The following ESPN variants were observed in gnomAD, a reference collection of about 807,000 sequenced individuals.
ESPN encodes autosomal recessive deafness type 36 protein.
A neutral mutation model predicts 77.7 loss-of-function variants in ESPN; 68 were observed. The ratio of observed to expected loss-of-function variants is 0.87; its 90% CI spans 0.72 to 1.07. ESPN has a LOEUF of 1.07. Among genes scored for constraint, ESPN ranks in the 50% least tolerant of loss-of-function variants. ESPN has a pLI of 0.00. For missense variants in ESPN, 1,060 were observed against 1,239.0 expected (o/e 0.86, Z 2.17); for synonymous variants, 449 against 567.1 (o/e 0.79, Z 2.96).
rs1401444077 is a variant in ESPN at position 6,427,960 on chromosome 1, C to T, written c.295-266C>T. ...TCGTGTAGGCAGCTCGCAGTCAGGA[C>T]CTGCAGCCTCTGAAAACCCTGCACG... On this transcript the variant is annotated intron_variant, in intron 1 of 12. Coordinates refer to ENST00000645284, the MANE Select transcript of ESPN (RefSeq NM_031475.3). This position sits in a 1 kb window ranked among gnomAD's most constrained non-coding sequence, Gnocchi z 4.6. Among the ~76,000 whole-genome samples the T allele has an allele frequency of 2.0e-5, 3 of 151,940 alleles. No individual in the cohort carries two copies. Among genetic ancestry groups the T allele is most frequent in the Non-Finnish European group, 2.9e-5 (2 of 67,934 alleles).
At chr1:6,435,263 G>T (rs545706310) in intron 2 of ESPN, among the ~76,000 whole-genome samples, 1 of 152,196 alleles carries the variant, frequency 6.6e-6, no homozygotes, top group East Asian at 1.9e-4. Context: ...CCTCTTCCTG[G>T]CCTCCCTCTG....
intron 1 of ESPN, among the ~76,000 whole-genome samples, chr1:6,426,487 G>C (rs374640448): frequency 5.5e-5 from 8 of 146,344 alleles, no homozygotes; most frequent in Non-Finnish European, 1.2e-4. Context: ...GAGAAAGTGT[G>C]GGGGGGATGA....
rs2148538526 is a variant in ESPN at position 6,451,725 on chromosome 1, G to A, written c.2038G>A (p.Gly680Ser). The change falls in exon 9 of 13, where the codon GGC becomes AGC. Residue 680 changes from glycine (G) to serine (S), a missense_variant. By Grantham distance (56) the Gly-to-Ser change is moderately conservative. Around this residue, in one of 3 missense-constraint regions of ESPN, gnomAD observed 374 missense variants for 381.4 expected, o/e 0.98. Coordinates refer to ENST00000645284, the MANE Select transcript of ESPN (RefSeq NM_031475.3). The surrounding 1 kb of genome is among the most constrained non-coding windows in gnomAD (Gnocchi z 4.3). ...CAAGGGGCTGACCACAGTGTTCTCA[G>A]GCATCGGGCAGCCGGCCTTCCAGGT... is the stretch of plus-strand genomic sequence containing the variant. The part of the protein sequence containing the change: ...QSKGLTTVFS[G>S]IGQPAFQPDS... 1 of 1,612,732 alleles carries A rather than the reference G, an allele frequency of 6.2e-7. No homozygotes were observed. Among genetic ancestry groups the A allele is most frequent in the Non-Finnish European group, 8.5e-7 (1 of 1,179,838 alleles).
At chr1:6,439,626 A>G (rs1434053975) in intron 2 of ESPN, among the ~76,000 whole-genome samples, 1 of 152,192 alleles carries the variant, frequency 6.6e-6, no homozygotes, top group African/African-American at 2.4e-5. Flanking sequence ...TGAAAGGGAT[A>G]GAGGTCAGAC....
chr1:6,457,322 G>T (rs750246719), intron 11 of ESPN, 39 bp from the exon 12 acceptor site: 1 of 1,614,248 alleles, frequency 6.2e-7, no homozygotes, highest in African/African-American at 1.3e-5. Context: ...CGTCCCTGAG[G>T]TGGAGGTACC....
At chr1:6,455,570 G>C (rs1644039965) in intron 10 of ESPN, 1 of 399,032 alleles carries the variant, frequency 2.5e-6, no homozygotes, top group South Asian at 1.3e-4. Context: ...CGCACGGCCT[G>C]TATTGGCCCC....
chr1:6,437,068 G>A lies in ESPN; in HGVS notation c.489-3186G>A, dbSNP rs147326755. 1.5e-4 allele frequency among the ~76,000 whole-genome samples: 23 copies of A among 152,326 alleles called. No homozygotes were observed. Among genetic ancestry groups the A allele is most frequent in the South Asian group, 2.1e-4 (1 of 4,830 alleles). The stretch of plus-strand genomic sequence containing the variant: ...GGAGGCTCTGACTCCATAATGGGGC[G>A]TGTGAGTGCAGATGGTGGAATACTA... On this transcript the variant is annotated intron_variant, in intron 2 of 12. Transcript: ENST00000645284. This position sits in a 1 kb window ranked among gnomAD's most constrained non-coding sequence, Gnocchi z 4.5.
intron 10 of ESPN, chr1:6,455,120 C>T (rs1487374142): frequency 5.2e-6 from 2 of 386,896 alleles, no homozygotes; most frequent in Admixed American, 9.0e-5. Context: ...CCGCCGCCCA[C>T]GGCCCGCTGG....
rs577158828 is a variant in ESPN, at chr1:6,426,809, G to A, written c.295-1417G>A. 8.4e-4 allele frequency among the ~76,000 whole-genome samples: 128 copies of A among 152,202 alleles called. 4 individuals are homozygous for A. The South Asian group carries it at 0.023, about 28-fold the overall frequency. On this transcript the variant is annotated intron_variant, in intron 1 of 12. Transcript: ENST00000645284. ...CTAGCCAGCCCCGACCTTTGGGCTC[G>A]GAGGGGACAGACTGAACCAGTCTCT...
Position 6,451,497 on chromosome 1 carries a change from C to T in ESPN, c.1916-106C>T. 6 of 1,463,790 alleles carry T rather than the reference C, an allele frequency of 4.1e-6. No individual in the cohort carries two copies. The highest frequency in any genetic ancestry group is 5.6e-6 in the Non-Finnish European group (6 of 1,068,424). The allele number at this position is 1,463,790 out of a possible 1,614,324, so 90.7% of individuals were successfully genotyped here. A position where few individuals can be genotyped will look rare whatever the true frequency, so the allele number is the denominator to read the frequency against. On this transcript the variant is annotated intron_variant, in intron 8 of 12. Transcript: ENST00000645284. The surrounding 1 kb of genome is among the most constrained non-coding windows in gnomAD (Gnocchi z 4.3). Reference sequence around the variant, plus strand: ...GCTGCCCGCTGGCCCGGAGGATGGGCACCCATCCAATCTTGGCTTAGGAAA... The same window carrying T: ...GCTGCCCGCTGGCCCGGAGGATGGGTACCCATCCAATCTTGGCTTAGGAAA...
chr1:6,460,077 C>G lies in ESPN; in HGVS notation c.2496C>G (p.Tyr832Ter), dbSNP rs1046987961. Residue 832 changes from tyrosine to a stop codon, truncating the protein, a stop_gained, in exon 13 of 13, where the codon TAC (tyrosine) becomes TAG (stop). Transcript: ENST00000645284. LOFTEE classifies it high-confidence loss of function. ...EQSEKLRTLGYDESKLAPWQR... is the reference protein window; with the variant it reads ...EQSEKLRTLG ...CAGAGAAGCTGCGGACGCTGGGCTACGATGAGAGCAAGCTGGCGCCCTGGC... is the reference window on the plus strand; with the variant it reads ...CAGAGAAGCTGCGGACGCTGGGCTAGGATGAGAGCAAGCTGGCGCCCTGGC... 5 of 1,613,494 alleles carry G rather than the reference C, an allele frequency of 3.1e-6. No homozygotes were observed. The highest frequency in any genetic ancestry group is 4.2e-6 in the Non-Finnish European group (5 of 1,180,020).
chr1:6,455,163 C>A (rs1222496998), intron 10 of ESPN: 23 of 388,536 alleles, frequency 5.9e-5, no homozygotes, highest in Non-Finnish European at 4.6e-6. Flanking sequence ...CCTGGGCCCG[C>A]CCGAGGTACA....
rs1569772509 is a variant in ESPN at position 6,460,293 on chromosome 1, C to T, written c.*147C>T. ...CCTCCCTGACCCCCACCCTGGCCCC[C>T]CGTATCCCCAGCCCTTGGCAACACT... On this transcript the variant is annotated 3_prime_UTR_variant, in exon 13 of 13. Coordinates refer to ENST00000645284, the MANE Select transcript of ESPN (RefSeq NM_031475.3). The T allele has an allele frequency of 3.8e-6, 4 of 1,046,824 alleles. No homozygotes were observed. Among genetic ancestry groups the T allele is most frequent in the Non-Finnish European group, 4.1e-6 (3 of 732,212 alleles). The allele number at this position is 1,046,824 out of a possible 1,614,324, so 64.8% of individuals were successfully genotyped here.
Position 6,441,119 on chromosome 1 carries a change from A to C in ESPN, c.990+54A>C. 2.5e-6 allele frequency: 4 copies of C among 1,582,720 alleles called. No individual in the cohort carries two copies. The South Asian group carries it at 4.6e-5, about 18-fold the overall frequency. Reference sequence around the variant, plus strand: ...TTCTTTCTTCTCGCCCCTCCACCCCAGTGGTGGGTGTCGTCACCCCTTTTA... The same window carrying C: ...TTCTTTCTTCTCGCCCCTCCACCCCCGTGGTGGGTGTCGTCACCCCTTTTA... On this transcript the variant is annotated intron_variant, in intron 5 of 12. Transcript: ENST00000645284.
At position 6,450,639 on chromosome 1, in the gene ESPN, C is replaced by A. The variant is rs886927046; in HGVS notation, c.1916-964C>A. ...TGGGGCCTTGCACCTCATACCTACCCTCATACCCACATATGCACCCAAGCA... is the reference window on the plus strand; with the variant it reads ...TGGGGCCTTGCACCTCATACCTACCATCATACCCACATATGCACCCAAGCA... On this transcript the variant is annotated intron_variant, in intron 8 of 12. Transcript: ENST00000645284. The surrounding 1 kb of genome is among the most constrained non-coding windows in gnomAD (Gnocchi z 4.3). Among the ~76,000 whole-genome samples, 9 of 152,290 alleles carry A rather than the reference C, an allele frequency of 5.9e-5. No individual in the cohort carries two copies. The highest frequency in any genetic ancestry group is 2.2e-4 in the African/African-American group (9 of 41,554).
intron 2 of ESPN, among the ~76,000 whole-genome samples, chr1:6,435,917 C>T (rs1643420204): frequency 6.6e-6 from 1 of 152,212 alleles, no homozygotes; most frequent in South Asian, 2.1e-4. Flanking sequence ...ACTGTTGTCC[C>T]CATTTCATGG....
At chr1:6,432,187 C>G (rs1428446128) in intron 2 of ESPN, among the ~76,000 whole-genome samples, 2 of 152,206 alleles carry the variant, frequency 1.3e-5, no homozygotes, top group African/African-American at 2.4e-5. Flanking sequence ...TCTTGGGAAG[C>G]ACCAGCAGCT....
Position 6,445,658 on chromosome 1 carries a change from C to T in ESPN, c.1193-6C>T, listed in dbSNP as rs1643801791. 1 of 1,611,884 alleles carries T rather than the reference C, an allele frequency of 6.2e-7. No individual in the cohort carries two copies. The highest frequency in any genetic ancestry group is 2.2e-5 in the East Asian group (1 of 44,872). ...CCAAATCTGGCCCTTCCTTCTGCCT[C>T]CCCAGGGCTTTCCAGCGCTAGAGCT... On this transcript the variant is annotated splice_polypyrimidine_tract_variant and splice_region_variant and intron_variant, in intron 6 of 12. Transcript: ENST00000645284.
At chr1:6,425,526 G>A (rs530360712) in intron 1 of ESPN, among the ~76,000 whole-genome samples, 18 of 152,362 alleles carry the variant, frequency 1.2e-4, no homozygotes, top group African/African-American at 4.3e-4. Context: ...GGTTACTAGT[G>A]TGTACCGGGA....
Sources: allele counts gnomAD v4.1 joint callset (sites outside exome capture counted in the v4.1 genomes callset), GRCh38; gene constraint gnomAD v4.1.1; regional missense constraint gnomAD v4.1.1; non-coding constraint Gnocchi (gnomAD v3.1); transcripts MANE v1.5; gene names NCBI Gene and HGNC (gene_info 2026-07-23, HGNC 2026-07-21).